NFASC: variants seen among roughly 807,000 people sequenced by gnomAD.
NFASC encodes neurofascin.
A neutral mutation model predicts 147.5 loss-of-function variants in NFASC; 43 were observed. The observed-to-expected ratio is 0.29, with a 90% CI of 0.23 to 0.38. The LOEUF is 0.38. Among genes scored for constraint, NFASC ranks in the 10% least tolerant of loss-of-function variants. The pLI is 1.00. For missense variants in NFASC, 1,320 were observed against 1,689.0 expected (o/e 0.78, Z 3.83); for synonymous variants, 622 against 665.5 (o/e 0.93, Z 1.01).
At chr1:204,957,387 A>G (rs753115662) in intron 7 of NFASC, among the ~76,000 whole-genome samples, 1 of 152,240 alleles carries the variant, frequency 6.6e-6, no homozygotes, top group Non-Finnish European at 1.5e-5. Flanking sequence ...AAGTGTGGTC[A>G]TAGAACATGG....
At chr1:204,906,679 A>G (rs954569729) in intron 1 of NFASC, among the ~76,000 whole-genome samples, 6 of 142,176 alleles carry the variant, frequency 4.2e-5, no homozygotes, top group Non-Finnish European at 7.7e-5. Flanking sequence ...TTGTGTGGAC[A>G]TATATGCATT....
Position 204,970,681 on chromosome 1 carries a change from G to C in NFASC, c.1069G>C (p.Val357Leu). ...GGCTCCTGGCGAGGATGGGAGACTG[G>C]TGTGTCGAGCCAATGGAAACCCCAA... ...ILAPGEDGRLVCRANGNPKPT... is the reference protein window; with the variant it reads ...ILAPGEDGRLLCRANGNPKPT... Residue 357 changes from valine to leucine, a missense_variant, in exon 11 of 30, where the codon GTG becomes CTG. By Grantham distance (32) the Val-to-Leu change is conservative (BLOSUM62 1). Around this residue, in one of 3 missense-constraint regions of NFASC, gnomAD observed 981 missense variants for 1,289.5 expected, o/e 0.76. Transcript: ENST00000339876. The C allele has an allele frequency of 6.2e-7, 1 of 1,614,212 alleles. No individual in the cohort carries two copies. Among genetic ancestry groups the C allele is most frequent in the Non-Finnish European group, 8.5e-7 (1 of 1,180,042 alleles).
In NFASC at chr1:204,909,761, A is replaced by T. The variant is rs146055175; in HGVS notation, c.-199-10871A>T. 1.8e-3 allele frequency among the ~76,000 whole-genome samples: 271 copies of T among 152,122 alleles called. 1 individual carries two copies. The highest frequency in any genetic ancestry group is 6.0e-3 in the African/African-American group (250 of 41,456). Reference sequence around the variant, plus strand: ...TCTTTGTATAAGGACTTAGGTTAAGATTCCTTTTTTCTTTCTTTCTTTCTT... The same window carrying T: ...TCTTTGTATAAGGACTTAGGTTAAGTTTCCTTTTTTCTTTCTTTCTTTCTT... On this transcript the variant is annotated intron_variant, in intron 1 of 29. Transcript: ENST00000339876.
intron 24 of NFASC, among the ~76,000 whole-genome samples, chr1:204,995,534 G>A (rs917105974): frequency 6.6e-6 from 1 of 152,086 alleles, no homozygotes; most frequent in South Asian, 2.1e-4. Flanking sequence ...TGGGTTGACC[G>A]GGGTTTGGGG....
At position 205,016,312 on chromosome 1, in the gene NFASC, G is replaced by A; in HGVS notation, c.3496G>A (p.Glu1166Lys). The A allele has an allele frequency of 6.2e-7, 1 of 1,611,346 alleles. No homozygotes were observed. Among genetic ancestry groups the A allele is most frequent in the Non-Finnish European group, 8.5e-7 (1 of 1,177,554 alleles). Reference sequence around the variant, plus strand: ...TCTCTGTCTCTCTTTGGCCAGTGATGAGGACAACAAGCCCCTGCAGGGCAG... The same window carrying A: ...TCTCTGTCTCTCTTTGGCCAGTGATAAGGACAACAAGCCCCTGCAGGGCAG... Reference protein sequence around the residue: ...EEDGSFDYSDEDNKPLQGSQT... With the variant: ...EEDGSFDYSDKDNKPLQGSQT... The change falls in exon 30 of 30, where the codon GAG becomes AAG. Residue 1166 changes from glutamate (E) to lysine (K), a missense_variant. Coordinates refer to ENST00000339876, the MANE Select transcript of NFASC (RefSeq NM_001005388.3). The surrounding 1 kb of genome is among the most constrained non-coding windows in gnomAD (Gnocchi z 5.1).
intron 28 of NFASC, 179 bp from the exon 29 acceptor site, chr1:205,012,618 T>C (rs899817721): frequency 1.6e-6 from 1 of 626,086 alleles, no homozygotes; most frequent in Non-Finnish European, 2.9e-6. Context: ...CAGAGTCAAC[T>C]TGGCAACTGA....
Position 204,978,949 on chromosome 1 carries a change from TG to T in NFASC, c.1877-17del. ...CCTGCTCTAACTCAGGAGGCCTGCG[TG>T]GTGTCTTCTGCCACCAGGACGGCCA... On this transcript the variant is annotated intron_variant, in intron 17 of 29. Transcript: ENST00000339876. 6.5e-7 allele frequency: 1 copy of T among 1,543,456 alleles called. No individual in the cohort carries two copies. The highest frequency in any genetic ancestry group is 8.8e-7 in the Non-Finnish European group (1 of 1,140,970).
rs576804259 is a variant in NFASC at position 204,912,635 on chromosome 1, C to T, written c.-199-7997C>T. Among the ~76,000 whole-genome samples, 49 of 151,772 alleles carry T rather than the reference C, an allele frequency of 3.2e-4. No homozygotes were observed. The East Asian group carries it at 6.8e-3, about 21-fold the overall frequency. On this transcript the variant is annotated intron_variant, in intron 1 of 29. Coordinates refer to ENST00000339876, the MANE Select transcript of NFASC (RefSeq NM_001005388.3). Reference sequence around the variant, plus strand: ...GGAGGATTTTTTGAGCCCTGGAATTCGATGCAGCAGTGAGCTATGTTCACA... The same window carrying T: ...GGAGGATTTTTTGAGCCCTGGAATTTGATGCAGCAGTGAGCTATGTTCACA...
intron 1 of NFASC, among the ~76,000 whole-genome samples, chr1:204,862,475 A>G (rs2076759873): frequency 6.6e-6 from 1 of 152,274 alleles, no homozygotes; most frequent in Non-Finnish European, 1.5e-5. Flanking sequence ...AAGGCTTTAT[A>G]GGCATATAAT....
intron 1 of NFASC, among the ~76,000 whole-genome samples, chr1:204,830,351 G>C (rs1671857255): frequency 6.6e-6 from 1 of 152,180 alleles, no homozygotes; most frequent in African/African-American, 2.4e-5. Flanking sequence ...TCTGGGGATA[G>C]GGGCCATACC....
rs148850236 is a variant in NFASC, at chr1:204,988,715, C to T, written c.2676C>T (p.Pro892=). ...QTKFTVQRTD[P]VSRYRFTLSA... ...AGTTCACGGTGCAAAGAACGGACCC[C>T]GTGTCACGCTACCGCTTTACCCTCA... Residue 892 remains proline (P), a synonymous_variant, in exon 23 of 30, where the codon CCC becomes CCT. Transcript: ENST00000339876. The T allele has an allele frequency of 2.8e-5, 45 of 1,614,240 alleles. No homozygotes were observed. In the East Asian group the frequency reaches 6.5e-4, roughly 23 times the overall value.
At chr1:204,920,974 T>C (rs1329165541) in intron 2 of NFASC, among the ~76,000 whole-genome samples, 4 of 152,192 alleles carry the variant, frequency 2.6e-5, no homozygotes, top group African/African-American at 9.6e-5. Flanking sequence ...AAGCCTTCCC[T>C]GGCAGGGACA....
Position 204,975,591 on chromosome 1 carries a change from A to AC in NFASC, c.1706+180dup, listed in dbSNP as rs35616114. ...GGGCAACTCCCCTGCTTCAGGGGAG[A>AC]CCCCCCCACCGACCCTGTACAACCT... On this transcript the variant is annotated intron_variant, in intron 15 of 29. Coordinates refer to ENST00000339876, the MANE Select transcript of NFASC (RefSeq NM_001005388.3). The surrounding 1 kb of genome is among the most constrained non-coding windows in gnomAD (Gnocchi z 4.0). Among the ~76,000 whole-genome samples the AC allele has an allele frequency of 6.8e-5, 10 of 147,894 alleles. No individual in the cohort carries two copies. Among genetic ancestry groups the AC allele is most frequent in the Admixed American group, 2.7e-4 (4 of 14,930 alleles).
intron 1 of NFASC, among the ~76,000 whole-genome samples, chr1:204,889,082 G>A (rs143409291): frequency 7.5e-4 from 115 of 152,326 alleles, no homozygotes; most frequent in Middle Eastern, 3.4e-3. Flanking sequence ...AGAACGACCA[G>A]GCTTTGGTTT....
intron 21 of NFASC, among the ~76,000 whole-genome samples, chr1:204,985,418 T>C (rs946066934): frequency 6.6e-6 from 1 of 152,240 alleles, no homozygotes; most frequent in Non-Finnish European, 1.5e-5. Flanking sequence ...CTTTCTCATA[T>C]TCAGACTTCC....
At chr1:204,836,324 A>T (rs1380256529) in intron 1 of NFASC, among the ~76,000 whole-genome samples, 1 of 152,142 alleles carries the variant, frequency 6.6e-6, no homozygotes, top group Non-Finnish European at 1.5e-5. Context: ...CTGTGTGTTG[A>T]CCATAAGCCA....
chr1:204,852,499 G>GA (rs1246133190), intron 1 of NFASC, among the ~76,000 whole-genome samples: 6 of 152,106 alleles, frequency 3.9e-5, no homozygotes, highest in African/African-American at 1.4e-4. Flanking sequence ...AACTCCGTCT[G>GA]AAAAACAAAA....
chr1:204,961,029 T>C (rs1391262649), intron 8 of NFASC, among the ~76,000 whole-genome samples: 1 of 152,204 alleles, frequency 6.6e-6, no homozygotes, highest in African/African-American at 2.4e-5. Flanking sequence ...CCTCGAGCAG[T>C]TGGACCATGT....
At chr1:204,910,367 T>C (rs575330430) in intron 1 of NFASC, among the ~76,000 whole-genome samples, 141 of 152,324 alleles carry the variant, frequency 9.3e-4, no homozygotes, top group Non-Finnish European at 1.5e-3. Context: ...GTTTATTATG[T>C]GCATATAGAG....
Sources: gnomAD v4.1 joint callset for allele counts (sites outside exome capture counted in the v4.1 genomes callset) on GRCh38, gnomAD v4.1.1 for gene constraint, gnomAD v4.1.1 regional missense constraint, Gnocchi (gnomAD v3.1) non-coding constraint, MANE v1.5 for transcripts, NCBI Gene and HGNC (gene_info 2026-07-23, HGNC 2026-07-21) for gene names.